Variants in RIMKLB observed in about 807,000 individuals in gnomAD.
RIMKLB encodes the protein ribosomal modification protein rimK like family member B.
In RIMKLB, 7 loss-of-function variants were observed where a neutral mutation model predicts 32.0. That is an observed-to-expected ratio of 0.22 (90% CI 0.12 to 0.41). The LOEUF (loss-of-function observed/expected upper bound fraction) is 0.41. Ranked by LOEUF, RIMKLB falls within the 10% of genes least tolerant of loss-of-function variation. The pLI, the probability that RIMKLB is intolerant of heterozygous loss-of-function variation, is 1.00. For synonymous variants in RIMKLB, 172 were observed against 185.1 expected (o/e 0.93, Z 0.57); for missense variants, 289 against 498.7 (o/e 0.58, Z 4.00).
intron 5 of RIMKLB, among the ~76,000 whole-genome samples, chr12:8,767,436 A>G (rs1591992132): frequency 6.6e-6 from 1 of 151,676 alleles, no homozygotes. Flanking sequence ...TCCCTTTGGA[A>G]ATACAGCTTG....
intron 5 of RIMKLB, among the ~76,000 whole-genome samples, chr12:8,772,535 G>A (rs1950497519): frequency 1.3e-5 from 2 of 152,164 alleles, no homozygotes; most frequent in African/African-American, 4.8e-5. Context: ...CTTCTACGGA[G>A]GTACCTAAAA....
At chr12:8,724,993 G>T (rs1945842825) in intron 2 of RIMKLB, among the ~76,000 whole-genome samples, 1 of 152,092 alleles carries the variant, frequency 6.6e-6, no homozygotes, top group South Asian at 2.1e-4. Context: ...CTACACCCAG[G>T]TACTATAATT....
chr12:8,714,071 A>G (rs780971629), intron 2 of RIMKLB, 30 bp downstream of exon 2: 5 of 1,588,158 alleles, frequency 3.1e-6, no homozygotes, highest in South Asian at 2.2e-5. Context: ...GATCTTTTGG[A>G]TTTTTACCTA....
At chr12:8,669,914 C>A in the RIMKLB span, among the ~76,000 whole-genome samples, 1 of 150,818 alleles carries the variant, frequency 6.6e-6, no homozygotes, top group Non-Finnish European at 1.5e-5. Flanking sequence ...GTAGTCCCAG[C>A]TACTCGGGAG....
intron 1 of RIMKLB, 65 bp from the exon 2 acceptor site, chr12:8,713,746 A>T: frequency 1.0e-6 from 1 of 958,030 alleles, no homozygotes; most frequent in South Asian, 1.4e-5. Context: ...ATTTATTTGT[A>T]TGAAATCCAG....
chr12:8,699,841 A>G (rs1002760284), intron 1 of RIMKLB: 1 of 152,250 alleles, frequency 6.6e-6, no homozygotes, highest in African/African-American at 2.4e-5. Flanking sequence ...GAACAGAGCC[A>G]AGAAGGGGAA....
chr12:8,696,273 G>T (rs1942886903), upstream of RIMKLB, among the ~76,000 whole-genome samples: 1 of 152,240 alleles, frequency 6.6e-6, no homozygotes, highest in Non-Finnish European at 1.5e-5. Context: ...CTTGGTCTTG[G>T]AGTTGAATAT....
chr12:8,730,827 C>T (rs1287031675), intron 2 of RIMKLB, among the ~76,000 whole-genome samples: 1 of 149,764 alleles, frequency 6.7e-6, no homozygotes, highest in Non-Finnish European at 1.5e-5. Context: ...GCAACCTCCT[C>T]CTCCCAGGTT....
At position 8,776,470 on chromosome 12, in the gene RIMKLB, TATG is replaced by T. The variant is rs1950732775; in HGVS notation, c.*2688_*2690del. 5 of 770,682 alleles carry T rather than the reference TATG, an allele frequency of 6.5e-6. No individual in the cohort carries two copies. In the Middle Eastern group the frequency reaches 2.0e-3, roughly 310 times the overall value. 47.7% of individuals were successfully genotyped at this position (770,682 alleles called of 1,614,324 possible). A position where few individuals can be genotyped will look rare whatever the true frequency, so the allele number is the denominator to read the frequency against. On this transcript the variant is annotated 3_prime_UTR_variant, in exon 6 of 6. Coordinates refer to ENST00000535829, the MANE Select transcript of RIMKLB (RefSeq NM_001297776.2). ...ACTTTTGTATAATCTTCATTGCTAT[TATG>T]AGAGAGAATGTATATATCAAATATG...
At chr12:8,721,572 C>A (rs1252006806) in intron 2 of RIMKLB, among the ~76,000 whole-genome samples, 2 of 152,160 alleles carry the variant, frequency 1.3e-5, no homozygotes, top group African/African-American at 4.8e-5. Flanking sequence ...AATCCCGTCT[C>A]AGGCTACACT....
chr12:8,737,004 G>A (rs1039928582), intron 2 of RIMKLB, among the ~76,000 whole-genome samples: 1 of 150,224 alleles, frequency 6.7e-6, no homozygotes, highest in Non-Finnish European at 1.5e-5. Context: ...GTAGAGACGG[G>A]GTTTCACCAT....
chr12:8,730,231 A>G (rs1946411704), intron 2 of RIMKLB, among the ~76,000 whole-genome samples: 1 of 152,266 alleles, frequency 6.6e-6, no homozygotes, highest in East Asian at 1.9e-4. Context: ...GACTGCAGGC[A>G]TGCATCACCA....
At chr12:8,743,572 CAAA>C (rs942861791) in intron 2 of RIMKLB, among the ~76,000 whole-genome samples, 3 of 151,356 alleles carry the variant, frequency 2.0e-5, no homozygotes, top group Non-Finnish European at 4.4e-5. Context: ...ACTCTGCTTT[CAAA>C]AAAACAGAAG....
rs920931246 is a variant in RIMKLB at position 8,775,561 on chromosome 12, T to A, written c.*1777T>A. On this transcript the variant is annotated 3_prime_UTR_variant, in exon 6 of 6. Transcript: ENST00000535829. The stretch of plus-strand genomic sequence containing the variant: ...CCTTCAGATGGACCTTAAACATAAT[T>A]TCTTGGACACTACTAGAGAGACTTC... 42 of 985,752 alleles carry A rather than the reference T, an allele frequency of 4.3e-5. No homozygotes were observed. Among genetic ancestry groups the A allele is most frequent in the Non-Finnish European group, 5.1e-5 (42 of 829,894 alleles). 61.1% of individuals were successfully genotyped at this position (985,752 alleles called of 1,614,324 possible).
rs770325039 is a variant in RIMKLB at position 8,699,641 on chromosome 12, T to G, written c.-57+1344T>G. On this transcript the variant is annotated intron_variant, in intron 1 of 5. Transcript: ENST00000535829. ...ATTTTGTCTTGAGGTAATCCTATTT[T>G]ATTCTTTTCTATCTTGGTTAGTGCT... is the stretch of plus-strand genomic sequence containing the variant. The G allele has an allele frequency of 2.6e-5, 4 of 152,338 alleles. No homozygotes were observed. The South Asian group carries it at 8.3e-4, about 32-fold the overall frequency. 9.4% of individuals were successfully genotyped at this position (152,338 alleles called of 1,614,324 possible).
intron 1 of RIMKLB, among the ~76,000 whole-genome samples, chr12:8,703,953 G>C (rs1282985574): frequency 6.6e-6 from 1 of 152,162 alleles, no homozygotes; most frequent in Non-Finnish European, 1.5e-5. Context: ...AAAAAGCATA[G>C]AGAAATAGAA....
At chr12:8,720,201 T>A (rs1415312489) in intron 2 of RIMKLB, among the ~76,000 whole-genome samples, 2 of 152,204 alleles carry the variant, frequency 1.3e-5, no homozygotes, top group African/African-American at 2.4e-5. Flanking sequence ...TGAGGACATA[T>A]ATTTTGACAC....
intron 2 of RIMKLB, among the ~76,000 whole-genome samples, chr12:8,721,456 A>G (rs1176014801): frequency 6.6e-6 from 1 of 152,222 alleles, no homozygotes; most frequent in Non-Finnish European, 1.5e-5. Flanking sequence ...AACAATGTTC[A>G]TAGCCTCTTC....
chr12:8,707,077 C>T (rs1943948892), intron 1 of RIMKLB, among the ~76,000 whole-genome samples: 1 of 152,060 alleles, frequency 6.6e-6, no homozygotes, highest in Non-Finnish European at 1.5e-5. Flanking sequence ...GTGCTTTTTC[C>T]TGTTCTTTCA....
Sources: gnomAD v4.1 joint callset for allele counts (sites outside exome capture counted in the v4.1 genomes callset) on GRCh38, gnomAD v4.1.1 for gene constraint, MANE v1.5 for transcripts, NCBI Gene and HGNC (gene_info 2026-07-23, HGNC 2026-07-21) for gene names.